Variants in PTPRM observed in about 807,000 individuals in gnomAD.
The protein encoded by PTPRM is protein tyrosine phosphatase receptor type M.
PTPRM carries 47 observed loss-of-function variants against 186.7 expected under a neutral mutation model. The observed-to-expected ratio is 0.25, with a 90% CI of 0.20 to 0.32. PTPRM has a LOEUF of 0.32. Among genes scored for constraint, PTPRM ranks in the 10% least tolerant of loss-of-function variants. PTPRM has a pLI of 1.00. For synonymous variants in PTPRM, 668 were observed against 674.9 expected, an observed-to-expected ratio of 0.99 and a Z score of 0.16; for missense variants, 1,494 against 1,865.0, an observed-to-expected ratio of 0.80 and a Z score of 3.66.
chr18:7,900,010 CA>C (rs35513383), intron 3 of PTPRM, among the ~76,000 whole-genome samples: 23,094 of 152,148 alleles, frequency 0.15, 1,871 homozygotes, highest in Middle Eastern at 0.33. Flanking sequence ...CCATGGAGCG[CA>C]AGGCATATTG....
intron 1 of PTPRM, among the ~76,000 whole-genome samples, chr18:7,653,517 T>C (rs1360170199): frequency 2.0e-5 from 3 of 152,116 alleles, no homozygotes; most frequent in African/African-American, 7.2e-5. Flanking sequence ...TTCCCCTCTT[T>C]GTGTCCATGA....
chr18:8,231,855 C>A (rs1256163142), intron 14 of PTPRM, among the ~76,000 whole-genome samples: 1 of 152,120 alleles, frequency 6.6e-6, no homozygotes, highest in African/African-American at 2.4e-5. Context: ...AGTTCTAACA[C>A]CCCCCTGCCA....
At position 7,949,232 on chromosome 18, in the gene PTPRM, C is replaced by G; in HGVS notation, c.715C>G (p.Arg239Gly). Residue 239 changes from arginine to glycine, a missense_variant, in exon 6 of 33, where the codon CGA (arginine) becomes GGA (glycine). This residue lies in a region of PTPRM where 296 missense variants were observed against 345.5 expected (regional missense o/e 0.86). Transcript: ENST00000580170. ...PLKEIKVTSS[R>G]RFIASFNVVN... is the part of the protein sequence containing the mutation. ...GAAGGAAATCAAGGTGACCAGCTCCCGACGCTTCATTGCTTCATTTAATGT... is the reference window on the plus strand; with the variant it reads ...GAAGGAAATCAAGGTGACCAGCTCCGGACGCTTCATTGCTTCATTTAATGT... 6.2e-7 allele frequency: 1 copy of G among 1,611,850 alleles called. No homozygotes were observed. The highest frequency in any genetic ancestry group is 1.1e-5 in the South Asian group (1 of 91,026).
rs191683149 is a variant in PTPRM at position 8,406,663 on chromosome 18, A to G, written c.*501A>G. 3.5e-3 allele frequency: 539 copies of G among 154,838 alleles called. 4 individuals carry two copies. Among genetic ancestry groups the G allele is most frequent in the African/African-American group, 0.012 (514 of 41,572 alleles). 9.6% of individuals were successfully genotyped at this position (154,838 alleles called of 1,614,324 possible). On this transcript the variant is annotated 3_prime_UTR_variant, in exon 33 of 33. Transcript: ENST00000580170. ...CTAACAGATAAATGTGTAATGAACA[A>G]AGATATGTTGTATGAGTCGTCGTTT...
intron 1 of PTPRM, among the ~76,000 whole-genome samples, chr18:7,606,575 C>T (rs1009923169): frequency 8.6e-5 from 13 of 152,002 alleles, no homozygotes; most frequent in Admixed American, 8.5e-4. Context: ...CTCTGTATAC[C>T]ACACTAGCCA....
At chr18:8,092,421 A>G (rs928216005) in intron 11 of PTPRM, among the ~76,000 whole-genome samples, 2 of 151,902 alleles carry the variant, frequency 1.3e-5, no homozygotes, top group African/African-American at 4.8e-5. Flanking sequence ...TTATGTATTT[A>G]TTCTTTTTTT....
intron 22 of PTPRM, among the ~76,000 whole-genome samples, chr18:8,332,677 A>G (rs1156241742): frequency 1.3e-5 from 2 of 152,138 alleles, no homozygotes; most frequent in African/African-American, 4.8e-5. Context: ...AATTTAGAAG[A>G]AATTGGGCAA....
At chr18:8,228,887 T>C (rs1390202383) in intron 14 of PTPRM, among the ~76,000 whole-genome samples, 1 of 151,864 alleles carries the variant, frequency 6.6e-6, no homozygotes, top group Non-Finnish European at 1.5e-5. Context: ...AATTCAGAAA[T>C]TAAAATATAT....
At chr18:8,045,290 G>A (rs1361649875) in intron 7 of PTPRM, among the ~76,000 whole-genome samples, 1 of 152,190 alleles carries the variant, frequency 6.6e-6, no homozygotes, top group Non-Finnish European at 1.5e-5. Flanking sequence ...GGAGGTTGCA[G>A]TCAGCTGTGA....
At chr18:8,157,491 G>A (rs1348713223) in intron 14 of PTPRM, among the ~76,000 whole-genome samples, 1 of 152,138 alleles carries the variant, frequency 6.6e-6, no homozygotes, top group East Asian at 1.9e-4. Flanking sequence ...ACACGGGATG[G>A]GTCTTTAATT....
At chr18:7,635,905 C>T (rs1322206163) in intron 1 of PTPRM, among the ~76,000 whole-genome samples, 2 of 152,192 alleles carry the variant, frequency 1.3e-5, no homozygotes, top group Non-Finnish European at 2.9e-5. Context: ...ATGCCCACTT[C>T]CACTACATTT....
chr18:8,038,488 T>C (rs2086484015), intron 7 of PTPRM, among the ~76,000 whole-genome samples: 1 of 150,876 alleles, frequency 6.6e-6, no homozygotes, highest in Non-Finnish European at 1.5e-5. Flanking sequence ...ACTTCCTGGG[T>C]TCAAGTGATT....
chr18:7,631,160 C>A (rs1032186836), intron 1 of PTPRM, among the ~76,000 whole-genome samples: 1 of 152,266 alleles, frequency 6.6e-6, no homozygotes, highest in African/African-American at 2.4e-5. Context: ...CATGAGATTA[C>A]AAAGTAATCT....
At chr18:8,063,171 T>A (rs1285710600) in intron 7 of PTPRM, among the ~76,000 whole-genome samples, 3 of 151,280 alleles carry the variant, frequency 2.0e-5, no homozygotes, top group Non-Finnish European at 4.4e-5. Context: ...TGCGCCGTTT[T>A]TTAAGCCGGT....
chr18:7,951,795 G>A (rs114793427), intron 6 of PTPRM, among the ~76,000 whole-genome samples: 3,283 of 152,116 alleles, frequency 0.022, 44 homozygotes, highest in African/African-American at 0.045. Context: ...ATTACCTTGA[G>A]GCAATTACTT....
At chr18:7,612,503 G>T in intron 1 of PTPRM, among the ~76,000 whole-genome samples, 1 of 152,102 alleles carries the variant, frequency 6.6e-6, no homozygotes. Context: ...TCTCTCAATT[G>T]TTCCACGATT....
At chr18:7,680,208 G>A (rs2039448833) in intron 1 of PTPRM, among the ~76,000 whole-genome samples, 1 of 152,130 alleles carries the variant, frequency 6.6e-6, no homozygotes, top group Non-Finnish European at 1.5e-5. Context: ...TACAATTGAC[G>A]GAAGCTATAA....
chr18:8,095,203 C>A (rs2090955079), intron 11 of PTPRM, among the ~76,000 whole-genome samples: 1 of 152,030 alleles, frequency 6.6e-6, no homozygotes, highest in Non-Finnish European at 1.5e-5. Context: ...GGATGGGAAC[C>A]AGTGGCCTGA....
At chr18:8,238,668 T>TTTTTG (rs1568578261) in intron 14 of PTPRM, among the ~76,000 whole-genome samples, 1 of 138,362 alleles carries the variant, frequency 7.2e-6, no homozygotes. Context: ...TTTTTTTTTT[T>TTTTTG]TTTTTTTTTT....
Sources: allele counts gnomAD v4.1 joint callset (sites outside exome capture counted in the v4.1 genomes callset), GRCh38; gene constraint gnomAD v4.1.1; regional missense constraint gnomAD v4.1.1; transcripts MANE v1.5; gene names NCBI Gene and HGNC (gene_info 2026-07-23, HGNC 2026-07-21).